The following FRYL variants were observed in gnomAD, a reference collection of about 807,000 sequenced individuals.
FRYL encodes FRY like transcription coactivator, also known as protein furry homolog-like.
FRYL carries 150 observed loss-of-function variants against 351.2 expected under a neutral mutation model. The observed-to-expected ratio is 0.43, with a 90% confidence interval of 0.37 to 0.49. FRYL has a LOEUF of 0.49. Ranked by LOEUF, FRYL falls within the 20% of genes least tolerant of loss-of-function variation. The pLI is 0.00. For synonymous variants in FRYL, 1,153 were observed against 1,257.1 expected, an observed-to-expected ratio of 0.92 and a Z score of 1.75; for missense variants, 3,036 against 3,619.3, an observed-to-expected ratio of 0.84 and a Z score of 4.13.
intron 3 of FRYL, among the ~76,000 whole-genome samples, chr4:48,682,271 T>C (rs1408238275): frequency 6.6e-6 from 1 of 152,066 alleles, no homozygotes; most frequent in African/African-American, 2.4e-5. Context: ...AAAAATTAAC[T>C]CTAGATGGAT....
chr4:48,599,762 G>T (rs144489653), intron 13 of FRYL, among the ~76,000 whole-genome samples: 10 of 152,186 alleles, frequency 6.6e-5, no homozygotes, highest in Non-Finnish European at 1.3e-4. Context: ...ATGAGATTCT[G>T]TACTTAGAGG....
chr4:48,505,520 T>G (rs1720713220), intron 60 of FRYL, 27 bp downstream of exon 60: 1 of 1,420,818 alleles, frequency 7.0e-7, no homozygotes, highest in Non-Finnish European at 9.9e-7. Flanking sequence ...AAAATGTATG[T>G]TGCAAAAACA....
At chr4:48,622,049 GTAAA>G (rs1750753447) in intron 5 of FRYL, among the ~76,000 whole-genome samples, 1 of 151,960 alleles carries the variant, frequency 6.6e-6, no homozygotes, top group Admixed American at 6.6e-5. Flanking sequence ...ATCAACTATT[GTAAA>G]TAAATACAAA....
intron 8 of FRYL, 150 bp from the exon 9 acceptor site, chr4:48,609,217 T>A: frequency 3.3e-6 from 2 of 613,480 alleles, no homozygotes; most frequent in Non-Finnish European, 5.8e-6. Context: ...TTTTATTCTA[T>A]CTTCAATTTT....
chr4:48,656,308 TATATATTACATAATATATACTAA>T (rs368180446), intron 3 of FRYL, among the ~76,000 whole-genome samples: 8 of 7,324 alleles, frequency 1.1e-3, no homozygotes, highest in Non-Finnish European at 2.8e-3. Flanking sequence ...TATATTATAT[TATATATTACATAATATATACTAA>T]ATATATTATA....
chr4:48,581,716 C>T, intron 20 of FRYL, 111 bp from the exon 21 acceptor site: 1 of 840,786 alleles, frequency 1.2e-6, no homozygotes. Context: ...ACCGGTCTGC[C>T]TCAGCTCAAG....
At chr4:48,656,406 A>G (rs1578561116) in intron 3 of FRYL, among the ~76,000 whole-genome samples, 1 of 12,964 alleles carries the variant, frequency 7.7e-5, no homozygotes, top group African/African-American at 2.9e-4. Flanking sequence ...ATATATAATT[A>G]TATATAATGT....
At chr4:48,758,100 G>A (rs923594108) in intron 1 of FRYL, among the ~76,000 whole-genome samples, 2 of 152,190 alleles carry the variant, frequency 1.3e-5, no homozygotes, top group Non-Finnish European at 2.9e-5. Context: ...CTGGATTAAA[G>A]ACTTAAATGG....
chr4:48,614,271 A>G (rs1341287440), intron 7 of FRYL, among the ~76,000 whole-genome samples: 1 of 152,210 alleles, frequency 6.6e-6, no homozygotes, highest in Admixed American at 6.5e-5. Flanking sequence ...CAAAGAAGAA[A>G]GAGAAAAGAA....
chr4:48,722,654 A>G (rs1769620519), intron 1 of FRYL, among the ~76,000 whole-genome samples: 1 of 152,246 alleles, frequency 6.6e-6, no homozygotes, highest in Admixed American at 6.5e-5. Flanking sequence ...TACTGTGTTC[A>G]CAAAATAATG....
rs533840963 is a variant in FRYL, at chr4:48,639,966, T to C, written c.-80-5476A>G. ...AATTAAAACAACAATGATACACTAC[T>C]ACATGCTGATTAGAATGACTAATGT... On this transcript the variant is annotated intron_variant, in intron 3 of 63. Coordinates refer to ENST00000358350, the MANE Select transcript of FRYL (RefSeq NM_015030.2). Among the ~76,000 whole-genome samples the C allele has an allele frequency of 5.3e-5, 8 of 152,250 alleles. No individual in the cohort carries two copies. The East Asian group carries it at 1.5e-3, about 29-fold the overall frequency.
chr4:48,527,732 G>T, intron 52 of FRYL, 79 bp from the exon 53 acceptor site: 1 of 1,321,996 alleles, frequency 7.6e-7, no homozygotes, highest in Non-Finnish European at 1.0e-6. Context: ...GTACCCCAAA[G>T]CCACCGCAGG....
intron 33 of FRYL, among the ~76,000 whole-genome samples, chr4:48,561,132 C>G (rs1197415531): frequency 6.6e-6 from 1 of 152,170 alleles, no homozygotes; most frequent in Admixed American, 6.5e-5. Flanking sequence ...TGCCAATACA[C>G]AAAATACAAT....
At chr4:48,502,306 C>T (rs1194949436) in intron 61 of FRYL, among the ~76,000 whole-genome samples, 9 of 151,998 alleles carry the variant, frequency 5.9e-5, no homozygotes, top group East Asian at 1.9e-4. Flanking sequence ...TTTGGGAGGC[C>T]GAGGTGGGCA....
At chr4:48,537,877 T>C (rs1349644312) in intron 47 of FRYL, among the ~76,000 whole-genome samples, 3 of 152,154 alleles carry the variant, frequency 2.0e-5, no homozygotes, top group Non-Finnish European at 4.4e-5. Flanking sequence ...TCTTAAATAC[T>C]TCTACTTCCC....
At chr4:48,604,924 A>G (rs1296158049) in intron 11 of FRYL, among the ~76,000 whole-genome samples, 1 of 152,192 alleles carries the variant, frequency 6.6e-6, no homozygotes, top group Non-Finnish European at 1.5e-5. Context: ...GGGAGAAAAA[A>G]AAAGGATGAT....
rs1486157460 is a variant in FRYL at position 48,557,535 on chromosome 4, C to T, written c.4043G>A (p.Arg1348Lys). ...LKDRELMVTSRRWLRGEGWGS... is the reference protein window; with the variant it reads ...LKDRELMVTSKRWLRGEGWGS... ...CCATCCTTCTCCCCGTAACCAGCGC[C>T]TACTAGTCACCATAAGTTCTCGGTC... The change falls in exon 34 of 64, where the codon AGG becomes AAG. Residue 1348 changes from arginine to lysine, a missense_variant. Physicochemically the swap from Arg to Lys is conservative, Grantham distance 26. Coordinates refer to ENST00000358350, the MANE Select transcript of FRYL (RefSeq NM_015030.2). The T allele has an allele frequency of 6.2e-7, 1 of 1,614,172 alleles. No individual in the cohort carries two copies.
chr4:48,761,230 G>C (rs1774394497), intron 1 of FRYL, among the ~76,000 whole-genome samples: 1 of 152,030 alleles, frequency 6.6e-6, no homozygotes, highest in South Asian at 2.1e-4. Flanking sequence ...AATGAGAAGA[G>C]GCCATATATT....
intron 3 of FRYL, among the ~76,000 whole-genome samples, chr4:48,656,317 C>CATAATATATACTAAATATATTTT (rs1758985370): frequency 1.9e-5 from 1 of 53,954 alleles, no homozygotes; most frequent in Non-Finnish European, 3.5e-5. Flanking sequence ...TTATATATTA[C>CATAATATATACTAAATATATTTT]ATAATATATA....
Sources: allele counts gnomAD v4.1 joint callset (sites outside exome capture counted in the v4.1 genomes callset), GRCh38; gene constraint gnomAD v4.1.1; transcripts MANE v1.5; gene names NCBI Gene and HGNC (gene_info 2026-07-23, HGNC 2026-07-21).